PPP4R3A: variants seen among roughly 807,000 people sequenced by gnomAD.
PPP4R3A encodes the protein protein phosphatase 4 regulatory subunit 3A, also known as serine/threonine-protein phosphatase 4 regulatory subunit 3A.
Under a neutral mutation model 91.7 loss-of-function variants are expected in PPP4R3A, and 15 were observed. The observed-to-expected ratio is 0.16, with a 90% CI of 0.11 to 0.25. PPP4R3A has a LOEUF of 0.25. PPP4R3A is among the 10% of genes least tolerant of loss of function. PPP4R3A has a pLI of 1.00. For synonymous variants in PPP4R3A, 377 were observed against 348.7 expected (o/e 1.08, Z -0.91); for missense variants, 623 against 998.4 (o/e 0.62, Z 5.07).
intron 3 of PPP4R3A, 123 bp from the exon 4 acceptor site, chr14:91,482,316 A>G: frequency 1.9e-6 from 2 of 1,057,216 alleles, no homozygotes; most frequent in Non-Finnish European, 2.6e-6. Flanking sequence ...TCAAGACAAA[A>G]CTGCCTACTT....
rs1457891472 is a variant in PPP4R3A, at chr14:91,496,201, A to G, written c.143-5399T>C. 2.6e-5 allele frequency among the ~76,000 whole-genome samples: 4 copies of G among 152,218 alleles called. No individual in the cohort carries two copies. The East Asian group carries it at 5.8e-4, about 22-fold the overall frequency. ...GGAACCTGAAGTAGGCTTCCAGAGT[A>G]GTGGTTATGTTGTTTTTTCAATGGT... is the stretch of plus-strand genomic sequence containing the variant. On this transcript the variant is annotated intron_variant, in intron 1 of 14. Transcript: ENST00000554943.
rs1038146895 is a variant in PPP4R3A at position 91,510,019 on chromosome 14, G to A, written c.-372C>T. On this transcript the variant is annotated 5_prime_UTR_variant, in exon 1 of 15. Coordinates refer to ENST00000554943, the MANE Select transcript of PPP4R3A (RefSeq NM_001366432.2). Reference sequence around the variant, plus strand: ...TGATCTCCGCGAAGCAGCTTCCCGCGCCGCCGCCGCCTCCTCAGGCCGCCG... The same window carrying A: ...TGATCTCCGCGAAGCAGCTTCCCGCACCGCCGCCGCCTCCTCAGGCCGCCG... 3.4e-6 allele frequency: 3 copies of A among 887,264 alleles called. No homozygotes were observed. Among genetic ancestry groups the A allele is most frequent in the East Asian group, 2.2e-4 (2 of 9,004 alleles). 55.0% of individuals were successfully genotyped at this position (887,264 alleles called of 1,614,324 possible).
chr14:91,483,261 G>T (rs1386130986), intron 3 of PPP4R3A, among the ~76,000 whole-genome samples: 1 of 152,162 alleles, frequency 6.6e-6, no homozygotes, highest in Non-Finnish European at 1.5e-5. Flanking sequence ...ACCTTATATG[G>T]AAAAGCCAAG....
Position 91,465,230 on chromosome 14 carries a change from AT to A in PPP4R3A, c.1830+19del. 1 of 1,470,744 alleles carries A rather than the reference AT, an allele frequency of 6.8e-7. No homozygotes were observed. The allele number at this position is 1,470,744 out of a possible 1,614,324, so 91.1% of individuals were successfully genotyped here. ...TCAAACAATTAAAATGAAAATTCTA[AT>A]TAAAAATACAGAACCTACCACTCTA... On this transcript the variant is annotated intron_variant, in intron 11 of 14. Coordinates refer to ENST00000554943, the MANE Select transcript of PPP4R3A (RefSeq NM_001366432.2).
At chr14:91,468,827 T>C (rs1037731463) in intron 10 of PPP4R3A, among the ~76,000 whole-genome samples, 17 of 151,852 alleles carry the variant, frequency 1.1e-4, no homozygotes, top group East Asian at 5.8e-4. Flanking sequence ...AAGTTACCAA[T>C]TGTGTGAAAT....
Position 91,489,916 on chromosome 14 carries a change from A to G in PPP4R3A, c.198+831T>C, listed in dbSNP as rs1890134498. 1.3e-5 allele frequency among the ~76,000 whole-genome samples: 2 copies of G among 152,196 alleles called. 1 individual carries two copies. Among genetic ancestry groups the G allele is most frequent in the South Asian group, 4.1e-4 (2 of 4,830 alleles). On this transcript the variant is annotated intron_variant, in intron 2 of 14. Coordinates refer to ENST00000554943, the MANE Select transcript of PPP4R3A (RefSeq NM_001366432.2). ...TATTTGTGTGGTCAAACAAGTCACG[A>G]CCTTTACGCATCACCCAATGGGAAA...
Position 91,458,033 on chromosome 14 carries a change from AT to A in PPP4R3A, c.*725del, listed in dbSNP as rs1887872835. ...TTATATTACATCAAAAAAAGTTTTAATGGTCCCAAATATATATACTCAACAA... is the reference window on the plus strand; with the variant it reads ...TTATATTACATCAAAAAAAGTTTTAAGGTCCCAAATATATATACTCAACAA... On this transcript the variant is annotated 3_prime_UTR_variant, in exon 15 of 15. Coordinates refer to ENST00000554943, the MANE Select transcript of PPP4R3A (RefSeq NM_001366432.2). The A allele has an allele frequency of 6.6e-6, 1 of 152,598 alleles. No individual in the cohort carries two copies. The highest frequency in any genetic ancestry group is 1.5e-5 in the Non-Finnish European group (1 of 68,044). 9.5% of individuals were successfully genotyped at this position (152,598 alleles called of 1,614,324 possible).
chr14:91,495,985 A>C (rs550935540), intron 1 of PPP4R3A, among the ~76,000 whole-genome samples: 1 of 152,338 alleles, frequency 6.6e-6, no homozygotes. Context: ...ATATTCATAC[A>C]ATGGATACCA....
chr14:91,502,587 G>A (rs1165203550), intron 1 of PPP4R3A, among the ~76,000 whole-genome samples: 1 of 152,122 alleles, frequency 6.6e-6, no homozygotes, highest in Non-Finnish European at 1.5e-5. Context: ...CACCCTAAGT[G>A]TTCTGACCTC....
At chr14:91,487,763 T>C (rs1889985840) in intron 2 of PPP4R3A, among the ~76,000 whole-genome samples, 1 of 152,226 alleles carries the variant, frequency 6.6e-6, no homozygotes, top group South Asian at 2.1e-4. Flanking sequence ...TCACTCATAC[T>C]GCAATGTAGT....
At chr14:91,499,594 G>A (rs556599976) in intron 1 of PPP4R3A, among the ~76,000 whole-genome samples, 19 of 151,938 alleles carry the variant, frequency 1.3e-4, no homozygotes, top group Non-Finnish European at 2.2e-4. Flanking sequence ...AGGCCAAGGC[G>A]GGCGGATCAC....
intron 13 of PPP4R3A, 25 bp from the exon 14 acceptor site, chr14:91,461,632 G>T (rs779342635): frequency 1.9e-6 from 3 of 1,601,904 alleles, no homozygotes; most frequent in Non-Finnish European, 2.6e-6. Flanking sequence ...ACTGTCAATA[G>T]TCGTCCCCCA....
chr14:91,480,855 G>A (rs565273543), intron 4 of PPP4R3A, among the ~76,000 whole-genome samples: 1 of 151,314 alleles, frequency 6.6e-6, no homozygotes, highest in South Asian at 2.1e-4. Context: ...GGGCAACAAA[G>A]TGAGATCCAT....
chr14:91,487,692 TCA>T (rs1423199191), intron 2 of PPP4R3A, among the ~76,000 whole-genome samples: 1 of 149,108 alleles, frequency 6.7e-6, no homozygotes, highest in Non-Finnish European at 1.5e-5. Flanking sequence ...CTAATCTTTC[TCA>T]CTAGGCAAGG....
chr14:91,466,820 C>T (rs913139506), intron 10 of PPP4R3A, among the ~76,000 whole-genome samples: 1 of 152,044 alleles, frequency 6.6e-6, no homozygotes, highest in Non-Finnish European at 1.5e-5. Context: ...AAAATCAGTA[C>T]TTTAGAGCTC....
intron 1 of PPP4R3A, among the ~76,000 whole-genome samples, chr14:91,496,116 T>C (rs1209143598): frequency 6.6e-6 from 1 of 152,120 alleles, no homozygotes; most frequent in Non-Finnish European, 1.5e-5. Flanking sequence ...GCTCACAAAG[T>C]GGCAAAATTA....
chr14:91,499,343 A>T (rs1426495953), intron 1 of PPP4R3A, among the ~76,000 whole-genome samples: 1 of 152,252 alleles, frequency 6.6e-6, no homozygotes, highest in East Asian at 1.9e-4. Flanking sequence ...AAGTTCGAGG[A>T]ATGCTACACT....
rs1156989528 is a variant in PPP4R3A, at chr14:91,465,453, T to C, written c.1661-34A>G. ...CAGAGGCATGGTTGTTTAAATCACA[T>C]ACCACTCTTCCATACTTTAGACTTA... On this transcript the variant is annotated intron_variant, in intron 10 of 14. Coordinates refer to ENST00000554943, the MANE Select transcript of PPP4R3A (RefSeq NM_001366432.2). 1.4e-5 allele frequency: 22 copies of C among 1,531,148 alleles called. No homozygotes were observed. In the South Asian group the frequency reaches 2.1e-4, roughly 15 times the overall value. The allele number at this position is 1,531,148 out of a possible 1,614,324, so 94.8% of individuals were successfully genotyped here.
At chr14:91,503,286 G>A (rs944530408) in intron 1 of PPP4R3A, among the ~76,000 whole-genome samples, 5 of 129,334 alleles carry the variant, frequency 3.9e-5, no homozygotes, top group East Asian at 2.3e-4. Context: ...CACTGTGCCC[G>A]AGCTACATTT....
Sources: allele counts gnomAD v4.1 joint callset (sites outside exome capture counted in the v4.1 genomes callset), GRCh38; gene constraint gnomAD v4.1.1; transcripts MANE v1.5; gene names NCBI Gene and HGNC (gene_info 2026-07-23, HGNC 2026-07-21).